The following SP140 variants were observed in gnomAD, a reference collection of about 807,000 sequenced individuals.
SP140 encodes the protein nuclear body protein SP140.
SP140 carries 81 observed loss-of-function variants against 125.0 expected under a neutral mutation model. The observed-to-expected ratio is 0.65, with a 90% confidence interval of 0.54 to 0.78. The LOEUF (loss-of-function observed/expected upper bound fraction) is 0.78, where lower values mean the gene tolerates loss of function less well. Among genes scored for constraint, SP140 ranks in the 30% least tolerant of loss-of-function variants. The pLI, the probability that SP140 is intolerant of heterozygous loss-of-function variation, is 0.00. For missense variants in SP140, 858 were observed against 1,037.0 expected (o/e 0.83, Z 2.37); for synonymous variants, 312 against 354.0 (o/e 0.88, Z 1.33).
At chr2:230,296,681 A>C (rs770816466) in intron 21 of SP140, among the ~76,000 whole-genome samples, 2 of 152,188 alleles carry the variant, frequency 1.3e-5, no homozygotes, top group Non-Finnish European at 2.9e-5. Context: ...CATGGCCTCT[A>C]GGACTCTGAG....
chr2:230,259,795 T>TATATATATATATATAC (rs1370331057), intron 12 of SP140, among the ~76,000 whole-genome samples: 2 of 111,528 alleles, frequency 1.8e-5, no homozygotes, highest in African/African-American at 3.3e-5. Flanking sequence ...TATATATATA[T>TATATATATATATATAC]ACCACATACA....
chr2:230,239,004 A>G, intron 3 of SP140: 1 of 1,473,490 alleles, frequency 6.8e-7, no homozygotes, highest in Non-Finnish European at 9.0e-7. Flanking sequence ...GGAAGGCTTG[A>G]CACCCTGTGC....
chr2:230,302,074 GAA>G (rs2058329688), intron 22 of SP140, among the ~76,000 whole-genome samples: 1 of 152,124 alleles, frequency 6.6e-6, no homozygotes, highest in South Asian at 2.1e-4. Context: ...AGTCCAACAG[GAA>G]ACTAGCACAA....
chr2:230,242,675 G>A (rs1335275731), intron 4 of SP140, among the ~76,000 whole-genome samples: 4 of 152,052 alleles, frequency 2.6e-5, no homozygotes, highest in Non-Finnish European at 4.4e-5. Flanking sequence ...TCTCAGAGAC[G>A]GATCACTATT....
upstream of SP140, among the ~76,000 whole-genome samples, chr2:230,225,339 C>T (rs1324783189): frequency 6.6e-6 from 1 of 152,190 alleles, no homozygotes. Context: ...CTAATGCATG[C>T]TATTTCAGTT....
chr2:230,285,900 G>A (rs751777939), intron 17 of SP140, 68 bp downstream of exon 17: 79 of 1,182,892 alleles, frequency 6.7e-5, no homozygotes, highest in South Asian at 8.6e-5. Context: ...AGGTATTGAC[G>A]AGCCTAGATC....
chr2:230,278,682 T>C (rs1293504172), intron 15 of SP140, among the ~76,000 whole-genome samples: 1 of 152,094 alleles, frequency 6.6e-6, no homozygotes, highest in African/African-American at 2.4e-5. Flanking sequence ...GTATATGGTG[T>C]AAGCCAAGCG....
rs951266504 is a variant in SP140, at chr2:230,248,930, C to G, written c.938C>G (p.Pro313Arg). The G allele has an allele frequency of 8.7e-6, 14 of 1,612,470 alleles. No individual in the cohort carries two copies. The highest frequency in any genetic ancestry group is 1.1e-5 in the Non-Finnish European group (13 of 1,178,750). The change falls in exon 9 of 27, where the codon CCA becomes CGA. Residue 313 changes from proline to arginine, a missense_variant. Pro to Arg is a moderately radical substitution (Grantham distance 103). Coordinates refer to ENST00000392045, the MANE Select transcript of SP140 (RefSeq NM_007237.5). Reference sequence around the variant, plus strand: ...CCCCAAGTCACTAATGAAGGAGAACCAGAGAAGGGGCTCTGTCTACTACCA... The same window carrying G: ...CCCCAAGTCACTAATGAAGGAGAACGAGAGAAGGGGCTCTGTCTACTACCA... Reference protein sequence around the residue: ...KTPQVTNEGEPEKGLCLLPGE... With the variant: ...KTPQVTNEGEREKGLCLLPGE...
intron 12 of SP140, among the ~76,000 whole-genome samples, chr2:230,266,248 T>TTTTGC (rs1388847947): frequency 1.3e-5 from 2 of 152,168 alleles, no homozygotes; most frequent in Non-Finnish European, 2.9e-5. Context: ...ATAGCCTAGT[T>TTTTGC]TTTGTTTTGT....
intron 1 of SP140, among the ~76,000 whole-genome samples, chr2:230,204,379 C>T (rs1389848581): frequency 6.6e-6 from 1 of 152,198 alleles, no homozygotes; most frequent in Non-Finnish European, 1.5e-5. Flanking sequence ...TACTGGGCTG[C>T]TGGCCACGGG....
chr2:230,309,019 A>G (rs2149612017), intron 22 of SP140, among the ~76,000 whole-genome samples: 1 of 152,364 alleles, frequency 6.6e-6, no homozygotes, highest in South Asian at 2.1e-4. Context: ...TTGGTTTTTA[A>G]TGACCGGGAT....
At chr2:230,209,347 G>A (rs1245246153) in intron 1 of SP140, among the ~76,000 whole-genome samples, 1 of 152,152 alleles carries the variant, frequency 6.6e-6, no homozygotes, top group Non-Finnish European at 1.5e-5. Flanking sequence ...TGTGTACCCT[G>A]AAGGCATCTA....
intron 1 of SP140, chr2:230,213,121 G>A (rs2044675864): frequency 2.4e-6 from 3 of 1,230,382 alleles, no homozygotes; most frequent in Admixed American, 1.7e-5. Context: ...AATAGGATGG[G>A]GGCATGGAGC....
intron 10 of SP140, among the ~76,000 whole-genome samples, chr2:230,252,876 G>A (rs1445421417): frequency 6.6e-6 from 1 of 152,128 alleles, no homozygotes; most frequent in Non-Finnish European, 1.5e-5. Context: ...AGTTCTGCAG[G>A]TTCCCTGAGG....
At chr2:230,202,816 C>T (rs776064960), upstream of SP140, 1,000 of 1,198,366 alleles carry the variant, frequency 8.3e-4, 2 homozygotes, top group Non-Finnish European at 8.9e-4. Context: ...CCTTCTCATG[C>T]CCCTAACTCC....
Position 230,285,750 on chromosome 2 carries a change from A to C in SP140, c.1565-2A>C. The C allele has an allele frequency of 2.5e-6, 4 of 1,612,526 alleles. No individual in the cohort carries two copies. Among genetic ancestry groups the C allele is most frequent in the Non-Finnish European group, 3.4e-6 (4 of 1,178,622 alleles). On this transcript the variant is annotated splice_acceptor_variant, in intron 16 of 26. Coordinates refer to ENST00000392045, the MANE Select transcript of SP140 (RefSeq NM_007237.5). LOFTEE classifies it high-confidence loss of function. Reference sequence around the variant, plus strand: ...AATACATTTTCCCCTGCCTATCCCCAGATAATAGCAAAGCCGACGGCCAGG... The same window carrying C: ...AATACATTTTCCCCTGCCTATCCCCCGATAATAGCAAAGCCGACGGCCAGG...
intron 1 of SP140, among the ~76,000 whole-genome samples, chr2:230,206,074 G>A (rs1256574278): frequency 6.6e-6 from 1 of 152,136 alleles, no homozygotes; most frequent in Non-Finnish European, 1.5e-5. Context: ...TCTGTTAAGT[G>A]TCTTAAAAGG....
the SP140 span, among the ~76,000 whole-genome samples, chr2:230,189,604 GTGCAGAACA>G: frequency 6.6e-6 from 1 of 151,918 alleles, no homozygotes; most frequent in Non-Finnish European, 1.5e-5. Context: ...TGGGACACAC[GTGCAGAACA>G]TGCAGGTTTC....
At chr2:230,311,895 A>G (rs1432489786) in intron 26 of SP140, among the ~76,000 whole-genome samples, 8 of 152,226 alleles carry the variant, frequency 5.3e-5, no homozygotes, top group Non-Finnish European at 1.0e-4. Context: ...TAAAGAGGAG[A>G]GAATTTCATC....
Sources: allele counts gnomAD v4.1 joint callset (sites outside exome capture counted in the v4.1 genomes callset), GRCh38; gene constraint gnomAD v4.1.1; transcripts MANE v1.5; gene names NCBI Gene and HGNC (gene_info 2026-07-23, HGNC 2026-07-21).